DYNC1I1: variants seen among roughly 807,000 people sequenced by gnomAD.
The protein encoded by DYNC1I1 is dynein cytoplasmic 1 intermediate chain 1.
In DYNC1I1, 43 loss-of-function variants were observed where a neutral mutation model predicts 86.6. That is an observed-to-expected ratio of 0.50 (90% CI 0.39 to 0.64). The LOEUF is 0.64. Among genes scored for constraint, DYNC1I1 ranks in the 30% least tolerant of loss-of-function variants. The pLI is 0.00. For synonymous variants in DYNC1I1, 262 were observed against 283.7 expected, an observed-to-expected ratio of 0.92 and a Z score of 0.77; for missense variants, 604 against 788.8, an observed-to-expected ratio of 0.77 and a Z score of 2.81.
chr7:96,082,312 C>A (rs1223083779), intron 16 of DYNC1I1, among the ~76,000 whole-genome samples: 1 of 150,928 alleles, frequency 6.6e-6, no homozygotes, highest in African/African-American at 2.4e-5. Flanking sequence ...CTCTCTCTTT[C>A]TTTTCTTCCT....
chr7:96,095,030 G>T (rs1790960885), intron 16 of DYNC1I1, among the ~76,000 whole-genome samples: 2 of 152,138 alleles, frequency 1.3e-5, no homozygotes, highest in Non-Finnish European at 2.9e-5. Flanking sequence ...ACTTTTATGA[G>T]GGTGAATCTA....
intron 6 of DYNC1I1, among the ~76,000 whole-genome samples, chr7:95,972,377 T>C (rs1265744950): frequency 6.6e-6 from 1 of 152,090 alleles, no homozygotes; most frequent in East Asian, 1.9e-4. Context: ...CTAACTTTTT[T>C]CTCAGCTCTG....
intron 6 of DYNC1I1, among the ~76,000 whole-genome samples, chr7:95,954,930 A>AT (rs1792668286): frequency 6.6e-6 from 1 of 151,318 alleles, no homozygotes; most frequent in African/African-American, 2.4e-5. Flanking sequence ...AAAAAAAAAA[A>AT]AAAAAAAAGA....
intron 5 of DYNC1I1, among the ~76,000 whole-genome samples, chr7:95,864,538 A>T (rs1789969277): frequency 6.6e-6 from 1 of 152,204 alleles, no homozygotes; most frequent in Non-Finnish European, 1.5e-5. Context: ...GGGAAAGTCA[A>T]ACCCTAGCTC....
At chr7:95,956,244 C>T (rs1263273389) in intron 6 of DYNC1I1, among the ~76,000 whole-genome samples, 6 of 151,986 alleles carry the variant, frequency 3.9e-5, no homozygotes, top group Admixed American at 3.3e-4. Flanking sequence ...ATAAATAATA[C>T]GTAGTATTAA....
intron 6 of DYNC1I1, among the ~76,000 whole-genome samples, chr7:95,922,349 TG>T (rs1022531449): frequency 6.6e-6 from 1 of 152,142 alleles, no homozygotes; most frequent in Non-Finnish European, 1.5e-5. Context: ...CAAAACTCTT[TG>T]GAGAAGGACT....
At chr7:95,865,792 C>T (rs570753690) in intron 5 of DYNC1I1, among the ~76,000 whole-genome samples, 2 of 152,124 alleles carry the variant, frequency 1.3e-5, no homozygotes, top group Admixed American at 6.5e-5. Flanking sequence ...CTAGCCTAGA[C>T]GTATAGTAGG....
intron 5 of DYNC1I1, among the ~76,000 whole-genome samples, chr7:95,859,428 A>G (rs1789815995): frequency 6.6e-6 from 1 of 152,196 alleles, no homozygotes; most frequent in South Asian, 2.1e-4. Context: ...TTTGAAGGAT[A>G]TACATGCTTA....
intron 5 of DYNC1I1, among the ~76,000 whole-genome samples, chr7:95,863,748 A>G (rs1789949584): frequency 6.6e-6 from 1 of 152,260 alleles, no homozygotes; most frequent in South Asian, 2.1e-4. Context: ...CTCTTATTTC[A>G]GGATGTAGAT....
intron 14 of DYNC1I1, among the ~76,000 whole-genome samples, chr7:96,064,256 C>T (rs1398374312): frequency 1.3e-5 from 2 of 151,302 alleles, no homozygotes; most frequent in African/African-American, 2.4e-5. Flanking sequence ...CTCCCTCTCT[C>T]AGTGTCTCTC....
chr7:96,018,854 C>T (rs1994506), intron 10 of DYNC1I1, among the ~76,000 whole-genome samples: 5 of 151,980 alleles, frequency 3.3e-5, no homozygotes, highest in African/African-American at 1.2e-4. Context: ...TACATTGATG[C>T]GGAAGGAAAC....
At chr7:96,088,177 T>C (rs1013629525) in intron 16 of DYNC1I1, among the ~76,000 whole-genome samples, 8 of 152,152 alleles carry the variant, frequency 5.3e-5, no homozygotes, top group South Asian at 2.1e-4. Flanking sequence ...AATGGACTTA[T>C]AGGATTAATA....
chr7:95,958,917 T>C lies in DYNC1I1; in HGVS notation c.491-18595T>C, dbSNP rs190928363. ...TATGGCCCTTGAGGAGTTTTAAGCA[T>C]AGCGAATGCTATCATTTGGCATACA... is the stretch of plus-strand genomic sequence containing the variant. On this transcript the variant is annotated intron_variant, in intron 6 of 16. Transcript: ENST00000447467. Among the ~76,000 whole-genome samples the C allele has an allele frequency of 2.0e-5, 3 of 152,298 alleles. No homozygotes were observed. The East Asian group carries it at 5.8e-4, about 29-fold the overall frequency.
At chr7:95,866,407 CA>C (rs748201140) in intron 5 of DYNC1I1, among the ~76,000 whole-genome samples, 1 of 152,100 alleles carries the variant, frequency 6.6e-6, no homozygotes, top group Non-Finnish European at 1.5e-5. Flanking sequence ...CGCAGGAAAA[CA>C]AGGTTTTTAA....
intron 6 of DYNC1I1, among the ~76,000 whole-genome samples, chr7:95,924,153 C>G (rs1791681641): frequency 6.6e-6 from 1 of 152,088 alleles, no homozygotes; most frequent in South Asian, 2.1e-4. Context: ...CTTTGCACTG[C>G]TGGGTTTATG....
intron 10 of DYNC1I1, among the ~76,000 whole-genome samples, chr7:96,005,253 C>T (rs1794112478): frequency 6.6e-6 from 1 of 152,136 alleles, no homozygotes; most frequent in Non-Finnish European, 1.5e-5. Context: ...CCAAAATGTC[C>T]TTAAAGACCA....
chr7:95,792,897 A>T (rs1189755981), intron 1 of DYNC1I1, among the ~76,000 whole-genome samples: 7 of 152,026 alleles, frequency 4.6e-5, no homozygotes, highest in Non-Finnish European at 1.5e-5. Context: ...GGCAAAAAAA[A>T]ACCACTTGGT....
intron 10 of DYNC1I1, among the ~76,000 whole-genome samples, chr7:96,012,157 G>T (rs1465272399): frequency 6.6e-6 from 1 of 152,114 alleles, no homozygotes; most frequent in Non-Finnish European, 1.5e-5. Context: ...TATATGGATT[G>T]TGATTGATGT....
chr7:95,827,463 C>A (rs1204135430), intron 4 of DYNC1I1, among the ~76,000 whole-genome samples: 1 of 152,182 alleles, frequency 6.6e-6, no homozygotes, highest in Non-Finnish European at 1.5e-5. Flanking sequence ...AAGATATAAT[C>A]AATCCCTGAC....
Sources: allele counts gnomAD v4.1 joint callset (sites outside exome capture counted in the v4.1 genomes callset), GRCh38; gene constraint gnomAD v4.1.1; transcripts MANE v1.5; gene names NCBI Gene and HGNC (gene_info 2026-07-23, HGNC 2026-07-21).